Variants in SCD5 observed in about 807,000 individuals in gnomAD.
SCD5 encodes the protein acyl-CoA-desaturase 4.
In SCD5, 20 loss-of-function variants were observed where a neutral mutation model predicts 30.4. The observed-to-expected ratio is 0.66, with a 90% CI of 0.46 to 0.96. SCD5 has a LOEUF of 0.96. Among genes scored for constraint, SCD5 ranks in the 40% least tolerant of loss-of-function variants. The pLI, the probability that SCD5 is intolerant of heterozygous loss-of-function variation, is 0.00. For missense variants in SCD5, 381 were observed against 443.3 expected (o/e 0.86, Z 1.26); for synonymous variants, 173 against 176.4 (o/e 0.98, Z 0.16).
At chr4:82,645,308 T>C (rs1727615747) in intron 3 of SCD5, among the ~76,000 whole-genome samples, 2 of 102,304 alleles carry the variant, frequency 2.0e-5, no homozygotes, top group African/African-American at 7.6e-5. Context: ...AGTGAGACCG[T>C]CTCAAGAAAA....
rs759488147 is a variant in SCD5 at position 82,798,420 on chromosome 4, C to A, written c.118G>T (p.Gly40Trp). Reference sequence around the variant, plus strand: ...CTCCAGACGATGTTCTGCCGCTGCCCGCGCGCGCCTGGCCTCTCCGGGCCG... The same window carrying A: ...CTCCAGACGATGTTCTGCCGCTGCCAGCGCGCGCCTGGCCTCTCCGGGCCG... The part of the protein sequence containing the change: ...GGGPERPGAR[G>W]QRQNIVWRNV... Residue 40 changes from glycine (G) to tryptophan (W), a missense_variant, in exon 1 of 5, where the codon GGG (glycine) becomes TGG (tryptophan). Gly to Trp is a radical substitution (Grantham distance 184). Transcript: ENST00000319540. 1 of 1,613,316 alleles carries A rather than the reference C, an allele frequency of 6.2e-7. No homozygotes were observed. The highest frequency in any genetic ancestry group is 8.5e-7 in the Non-Finnish European group (1 of 1,179,678).
chr4:82,732,509 T>A (rs975856312), intron 1 of SCD5, among the ~76,000 whole-genome samples: 1 of 152,200 alleles, frequency 6.6e-6, no homozygotes. Context: ...TGCTTGCATC[T>A]CCCTCTCGTG....
chr4:82,767,003 T>C (rs935841733), intron 1 of SCD5, among the ~76,000 whole-genome samples: 4 of 152,028 alleles, frequency 2.6e-5, no homozygotes, highest in Non-Finnish European at 4.4e-5. Context: ...TTTACCCAAA[T>C]ACTGAGGCAA....
intron 1 of SCD5, among the ~76,000 whole-genome samples, chr4:82,777,834 C>A (rs187382059): frequency 6.6e-6 from 1 of 152,276 alleles, no homozygotes; most frequent in Admixed American, 6.5e-5. Flanking sequence ...GCCCCAAATT[C>A]ATGCAACTAA....
At chr4:82,690,441 A>C (rs1409731920) in intron 2 of SCD5, among the ~76,000 whole-genome samples, 1 of 152,230 alleles carries the variant, frequency 6.6e-6, no homozygotes, top group East Asian at 1.9e-4. Flanking sequence ...GAAAGCTAAA[A>C]ACAAAAATTT....
In SCD5 at chr4:82,798,439, C is replaced by A; in HGVS notation, c.99G>T (p.Pro33=). The change falls in exon 1 of 5, where the codon CCG becomes CCT. Residue 33 remains proline (P), a synonymous_variant. Coordinates refer to ENST00000319540, the MANE Select transcript of SCD5 (RefSeq NM_001037582.3). The part of the protein sequence containing the change: ...GLESSEGGGG[P]ERPGARGQRQ... ...GCTGCCCGCGCGCGCCTGGCCTCTC[C>A]GGGCCGCCGCCGCCCTCAGAGCTTT... The A allele has an allele frequency of 1.9e-6, 3 of 1,613,120 alleles. No individual in the cohort carries two copies. Among genetic ancestry groups the A allele is most frequent in the Non-Finnish European group, 2.5e-6 (3 of 1,179,604 alleles).
chr4:82,795,543 C>T (rs1349883186), intron 1 of SCD5, among the ~76,000 whole-genome samples: 1 of 152,118 alleles, frequency 6.6e-6, no homozygotes, highest in East Asian at 1.9e-4. Flanking sequence ...AAAAGCTATT[C>T]ATGAGACTGG....
chr4:82,722,264 A>G (rs1720383819), intron 1 of SCD5, among the ~76,000 whole-genome samples: 1 of 152,028 alleles, frequency 6.6e-6, no homozygotes, highest in Non-Finnish European at 1.5e-5. Flanking sequence ...AGGAATTTTT[A>G]CCCCCAAAAA....
intron 1 of SCD5, among the ~76,000 whole-genome samples, chr4:82,770,875 A>G (rs1215925747): frequency 6.6e-6 from 1 of 152,084 alleles, no homozygotes; most frequent in Non-Finnish European, 1.5e-5. Flanking sequence ...CCTCTGAGGC[A>G]TGTTCTAATC....
chr4:82,687,186 AAAAG>A lies in SCD5; in HGVS notation c.364-6278_364-6275del, dbSNP rs869285275. On this transcript the variant is annotated intron_variant, in intron 2 of 4. Transcript: ENST00000319540. ...ACCTTGTTACAAGAAAAAAAAAAAAAAAAGAAAGAAAGAAAGAAAAGAAAGAAAG... is the reference window on the plus strand; with the variant it reads ...ACCTTGTTACAAGAAAAAAAAAAAAAAAAGAAAGAAAGAAAAGAAAGAAAG... Among the ~76,000 whole-genome samples the A allele has an allele frequency of 2.2e-5, 3 of 138,722 alleles. No individual in the cohort carries two copies. In the South Asian group the frequency reaches 7.7e-4, roughly 36 times the overall value. The allele number at this position is 138,722 out of a possible 152,430, so 91.0% of individuals were successfully genotyped here.
intron 3 of SCD5, among the ~76,000 whole-genome samples, chr4:82,666,385 G>A (rs558100518): frequency 2.1e-4 from 32 of 152,202 alleles, no homozygotes; most frequent in African/African-American, 7.5e-4. Flanking sequence ...GCGTGGTGGC[G>A]GGCGCCTGTA....
At position 82,798,761 on chromosome 4, in the gene SCD5, C is replaced by T; in HGVS notation, c.-224G>A. 2.0e-6 allele frequency: 1 copy of T among 510,986 alleles called. No homozygotes were observed. The highest frequency in any genetic ancestry group is 3.4e-6 in the Non-Finnish European group (1 of 293,686). 31.7% of individuals were successfully genotyped at this position (510,986 alleles called of 1,614,324 possible). A position where few individuals can be genotyped will look rare whatever the true frequency, so the allele number is the denominator to read the frequency against. ...GGCCGGCGTCTGTTGCTGGCGTATC[C>T]CCCATATGGCTGCCCGGGCTGAACT... On this transcript the variant is annotated 5_prime_UTR_variant, in exon 1 of 5. Transcript: ENST00000319540.
At chr4:82,718,882 T>C (rs1318236213) in intron 1 of SCD5, among the ~76,000 whole-genome samples, 1 of 151,748 alleles carries the variant, frequency 6.6e-6, no homozygotes, top group Non-Finnish European at 1.5e-5. Context: ...TTCTTATGCA[T>C]AAATTCCAAC....
intron 3 of SCD5, among the ~76,000 whole-genome samples, chr4:82,666,454 T>G (rs1339006271): frequency 1.3e-5 from 2 of 151,394 alleles, no homozygotes; most frequent in Non-Finnish European, 2.9e-5. Flanking sequence ...AGGCGGAGCT[T>G]GCAGTGAGCC....
intron 1 of SCD5, among the ~76,000 whole-genome samples, chr4:82,785,242 A>G (rs1420060822): frequency 6.6e-6 from 1 of 152,260 alleles, no homozygotes; most frequent in Non-Finnish European, 1.5e-5. Context: ...AGATACAAGA[A>G]GAGCTCTCTG....
chr4:82,738,449 G>A (rs554365836), intron 1 of SCD5, among the ~76,000 whole-genome samples: 2 of 152,326 alleles, frequency 1.3e-5, no homozygotes, highest in African/African-American at 4.8e-5. Context: ...TCTGTTTCAT[G>A]GCTTTTGATT....
intron 1 of SCD5, among the ~76,000 whole-genome samples, chr4:82,756,542 A>G (rs1300084798): frequency 6.6e-6 from 1 of 152,166 alleles, no homozygotes; most frequent in Non-Finnish European, 1.5e-5. Flanking sequence ...CCTGGCCAAC[A>G]TGGTGAAACC....
At chr4:82,697,191 T>G (rs1719714651) in intron 2 of SCD5, among the ~76,000 whole-genome samples, 1 of 152,236 alleles carries the variant, frequency 6.6e-6, no homozygotes, top group Non-Finnish European at 1.5e-5. Context: ...CAGGACTGCA[T>G]GCGGAATTCA....
intron 3 of SCD5, among the ~76,000 whole-genome samples, chr4:82,664,999 C>CTCTCTCTATATATATATATATA (rs1219554314): frequency 1.4e-5 from 1 of 70,490 alleles, no homozygotes; most frequent in Non-Finnish European, 2.4e-5. Context: ...CTCTCTCTCT[C>CTCTCTCTATATATATATATATA]TATATATATA....
Sources: allele counts gnomAD v4.1 joint callset (sites outside exome capture counted in the v4.1 genomes callset), GRCh38; gene constraint gnomAD v4.1.1; transcripts MANE v1.5; gene names NCBI Gene and HGNC (gene_info 2026-07-23, HGNC 2026-07-21).